The following CLEC16A variants were observed in gnomAD, a reference collection of about 807,000 sequenced individuals.
The protein encoded by CLEC16A is C-type lectin domain containing 16A, also known as protein CLEC16A.
A neutral mutation model predicts 109.5 loss-of-function variants in CLEC16A; 51 were observed. That is an observed-to-expected ratio of 0.47 (90% CI 0.37 to 0.59). The LOEUF (loss-of-function observed/expected upper bound fraction) is 0.59, where lower values mean the gene tolerates loss of function less well. Ranked by LOEUF, CLEC16A falls within the 20% of genes least tolerant of loss-of-function variation. The pLI is 0.00. For synonymous variants in CLEC16A, 673 were observed against 564.2 expected (o/e 1.19, Z -2.73); for missense variants, 1,339 against 1,394.0 (o/e 0.96, Z 0.63).
intron 18 of CLEC16A, among the ~76,000 whole-genome samples, chr16:11,054,717 G>A (rs1276364944): frequency 1.3e-5 from 2 of 152,146 alleles, no homozygotes; most frequent in Non-Finnish European, 2.9e-5. Flanking sequence ...ATCTCACTAC[G>A]GTTCCTGTTG....
chr16:11,030,879 A>T (rs184791232), intron 13 of CLEC16A, among the ~76,000 whole-genome samples: 2 of 152,324 alleles, frequency 1.3e-5, no homozygotes, highest in East Asian at 3.9e-4. Flanking sequence ...TCCTGACCTC[A>T]AGTGATACAC....
chr16:11,085,216 C>T (rs926100142), intron 19 of CLEC16A, among the ~76,000 whole-genome samples: 3 of 152,216 alleles, frequency 2.0e-5, no homozygotes, highest in Admixed American at 6.5e-5. Flanking sequence ...AGGAGGATCA[C>T]GGGAAGGGGG....
chr16:11,071,695 T>C (rs1459627996), intron 19 of CLEC16A, among the ~76,000 whole-genome samples: 2 of 146,316 alleles, frequency 1.4e-5, no homozygotes, highest in African/African-American at 5.1e-5. Flanking sequence ...GAAGTGATCA[T>C]CCCACCTTAG....
intron 22 of CLEC16A, among the ~76,000 whole-genome samples, chr16:11,152,704 C>T (rs1323196374): frequency 6.6e-6 from 1 of 152,214 alleles, no homozygotes; most frequent in Non-Finnish European, 1.5e-5. Context: ...AAGCTAAGGG[C>T]ACCACTGTGG....
intron 23 of CLEC16A, among the ~76,000 whole-genome samples, chr16:11,170,363 C>T (rs755941441): frequency 6.6e-6 from 1 of 152,214 alleles, no homozygotes; most frequent in Non-Finnish European, 1.5e-5. Flanking sequence ...AGGGAGCCCA[C>T]GTGGGTTCAT....
chr16:11,082,417 T>A (rs1414626571), intron 19 of CLEC16A, among the ~76,000 whole-genome samples: 1 of 152,170 alleles, frequency 6.6e-6, no homozygotes, highest in Admixed American at 6.5e-5. Context: ...AAAGTGTTTC[T>A]CTTGAAAACA....
intron 21 of CLEC16A, among the ~76,000 whole-genome samples, chr16:11,124,645 A>G (rs2052669892): frequency 6.6e-6 from 1 of 152,084 alleles, no homozygotes; most frequent in Non-Finnish European, 1.5e-5. Context: ...GCGTGGGGGG[A>G]AGGCATGCTG....
intron 13 of CLEC16A, chr16:11,027,134 A>G: frequency 1.4e-6 from 2 of 1,476,258 alleles, no homozygotes; most frequent in South Asian, 1.1e-5. Context: ...AACTTTTGGC[A>G]AAGAAGGAGC....
At chr16:11,071,983 A>G (rs958850336) in intron 19 of CLEC16A, among the ~76,000 whole-genome samples, 1 of 152,026 alleles carries the variant, frequency 6.6e-6, no homozygotes, top group African/African-American at 2.4e-5. Context: ...GTGTAGGGGT[A>G]AAGTGTCTGA....
At chr16:10,977,484 G>A (rs1346289735) in intron 8 of CLEC16A, 85 bp downstream of exon 8, 2 of 1,237,122 alleles carry the variant, frequency 1.6e-6, no homozygotes, top group African/African-American at 3.1e-5. Flanking sequence ...ATGGGGCTGA[G>A]CATTGCAAAT....
chr16:10,958,094 G>A (rs938722380), intron 2 of CLEC16A, among the ~76,000 whole-genome samples, 184 bp downstream of exon 2: 22 of 150,466 alleles, frequency 1.5e-4, no homozygotes, highest in African/African-American at 4.1e-4. Context: ...AGAAATGCAA[G>A]CCAAAAATGG....
chr16:10,972,818 T>TA (rs2042856746), intron 6 of CLEC16A, 120 bp from the exon 7 acceptor site: 1 of 1,075,522 alleles, frequency 9.3e-7, no homozygotes, highest in African/African-American at 1.6e-5. Context: ...AATTTCAGAT[T>TA]ATAGCAGAGG....
At chr16:10,979,154 G>A (rs547540439) in intron 8 of CLEC16A, among the ~76,000 whole-genome samples, 175 bp from the exon 9 acceptor site, 35 of 152,196 alleles carry the variant, frequency 2.3e-4, no homozygotes, top group Non-Finnish European at 3.1e-4. Context: ...TATTGAGTGG[G>A]ATTTTGCGGA....
At position 11,033,762 on chromosome 16, in the gene CLEC16A, G is replaced by T. The variant is rs75014311; in HGVS notation, c.1538-5992G>T. Among the ~76,000 whole-genome samples the T allele has an allele frequency of 2.4e-3, 366 of 152,284 alleles. 1 individual carries two copies. The highest frequency in any genetic ancestry group is 6.8e-3 in the Middle Eastern group (2 of 294). On this transcript the variant is annotated intron_variant, in intron 13 of 23. Transcript: ENST00000409790. The stretch of plus-strand genomic sequence containing the variant: ...CTCAGGCCTTCCAGTAATCATAATA[G>T]ATTAGATGCTGCACCGAAATGAATA...
intron 22 of CLEC16A, among the ~76,000 whole-genome samples, chr16:11,144,020 A>T (rs2053951024): frequency 6.6e-6 from 1 of 152,172 alleles, no homozygotes; most frequent in Non-Finnish European, 1.5e-5. Context: ...TATCAAGCCC[A>T]TTGGAGGATA....
At chr16:11,156,007 C>A (rs1264613205) in intron 22 of CLEC16A, among the ~76,000 whole-genome samples, 1 of 152,174 alleles carries the variant, frequency 6.6e-6, no homozygotes, top group Non-Finnish European at 1.5e-5. Context: ...TACGGCCTCC[C>A]TGCTTCTGGC....
chr16:11,104,436 G>A (rs1019190986), intron 19 of CLEC16A, among the ~76,000 whole-genome samples: 5 of 152,102 alleles, frequency 3.3e-5, no homozygotes, highest in Non-Finnish European at 7.4e-5. Flanking sequence ...ATATCCCAGA[G>A]GTTTTAACAT....
intron 20 of CLEC16A, among the ~76,000 whole-genome samples, chr16:11,122,649 C>T (rs934623494): frequency 1.3e-5 from 2 of 152,166 alleles, no homozygotes; most frequent in African/African-American, 2.4e-5. Context: ...CAACCATCTT[C>T]CTCTGTGAGC....
At chr16:11,094,036 C>T (rs1432043453) in intron 19 of CLEC16A, among the ~76,000 whole-genome samples, 1 of 152,164 alleles carries the variant, frequency 6.6e-6, no homozygotes, top group African/African-American at 2.4e-5. Flanking sequence ...CTATCATGTG[C>T]TTGTAGAAGC....
Sources: allele counts gnomAD v4.1 joint callset (sites outside exome capture counted in the v4.1 genomes callset), GRCh38; gene constraint gnomAD v4.1.1; transcripts MANE v1.5; gene names NCBI Gene and HGNC (gene_info 2026-07-23, HGNC 2026-07-21).